Variants in PDZD2 observed in about 807,000 individuals in gnomAD.
The protein encoded by PDZD2 is PDZ domain-containing protein 2.
A neutral mutation model predicts 220.7 loss-of-function variants in PDZD2; 90 were observed. The observed-to-expected ratio is 0.41, with a 90% CI of 0.34 to 0.49. PDZD2 has a LOEUF of 0.49. PDZD2 is among the 20% of genes least tolerant of loss of function. The pLI is 0.28. For missense variants in PDZD2, 3,174 were observed against 3,608.5 expected (o/e 0.88, Z 3.08); for synonymous variants, 1,375 against 1,450.5 (o/e 0.95, Z 1.18).
At chr5:31,907,263 G>A (rs1742740310) in intron 2 of PDZD2, among the ~76,000 whole-genome samples, 2 of 152,190 alleles carry the variant, frequency 1.3e-5, no homozygotes, top group Non-Finnish European at 2.9e-5. Flanking sequence ...TTCTGGTGAG[G>A]GCTCTCTTCC....
At chr5:31,802,795 C>T (rs1754471119) in intron 2 of PDZD2, among the ~76,000 whole-genome samples, 1 of 151,782 alleles carries the variant, frequency 6.6e-6, no homozygotes, top group African/African-American at 2.4e-5. Flanking sequence ...TGGCGGGTGC[C>T]TGTAGTCCCA....
chr5:32,032,628 A>C (rs1755214774), intron 6 of PDZD2, among the ~76,000 whole-genome samples: 1 of 152,010 alleles, frequency 6.6e-6, no homozygotes, highest in Admixed American at 6.5e-5. Context: ...TGTTTTCTTT[A>C]TCCTTGTAAA....
At chr5:31,871,060 G>A (rs760416066) in intron 2 of PDZD2, among the ~76,000 whole-genome samples, 1 of 152,134 alleles carries the variant, frequency 6.6e-6, no homozygotes, top group Admixed American at 6.6e-5. Flanking sequence ...GTGTGAGAGC[G>A]AGAGTTGGGA....
At chr5:31,716,428 G>T (rs1205033955) in intron 1 of PDZD2, among the ~76,000 whole-genome samples, 3 of 152,188 alleles carry the variant, frequency 2.0e-5, no homozygotes, top group Admixed American at 2.0e-4. Flanking sequence ...AGGAAATTGA[G>T]GGGAAAGTGT....
At chr5:31,875,735 TTAAAAATC>T (rs1739247784) in intron 2 of PDZD2, among the ~76,000 whole-genome samples, 1 of 150,690 alleles carries the variant, frequency 6.6e-6, no homozygotes, top group Non-Finnish European at 1.5e-5. Context: ...CCCAAATCAA[TTAAAAATC>T]CAGTGCAGTG....
intron 3 of PDZD2, among the ~76,000 whole-genome samples, chr5:31,984,730 G>T (rs952826947): frequency 1.3e-5 from 2 of 152,094 alleles, no homozygotes; most frequent in Non-Finnish European, 2.9e-5. Flanking sequence ...CTGGGGGCCT[G>T]AGTGAGAGGA....
At chr5:31,696,566 G>C (rs892709412) in intron 1 of PDZD2, among the ~76,000 whole-genome samples, 1 of 152,306 alleles carries the variant, frequency 6.6e-6, no homozygotes, top group East Asian at 1.9e-4. Flanking sequence ...GCCTCCCAAA[G>C]TGTTGGGATT....
intron 9 of PDZD2, among the ~76,000 whole-genome samples, chr5:32,053,148 A>G (rs116351193): frequency 0.021 from 3,266 of 152,324 alleles, 125 homozygotes; most frequent in African/African-American, 0.074. Flanking sequence ...CCTACGATGT[A>G]AGGAGTCACC....
chr5:31,989,025 G>A (rs1370738443), intron 3 of PDZD2, among the ~76,000 whole-genome samples: 1 of 152,154 alleles, frequency 6.6e-6, no homozygotes, highest in African/African-American at 2.4e-5. Flanking sequence ...GTCCCCAGTA[G>A]ACTTTAAGAG....
intron 1 of PDZD2, among the ~76,000 whole-genome samples, chr5:31,712,350 G>C (rs1211231468): frequency 6.6e-6 from 1 of 152,178 alleles, no homozygotes; most frequent in East Asian, 1.9e-4. Flanking sequence ...TGTCTGGGCT[G>C]GTCGAGAAGC....
chr5:31,892,926 C>A (rs1417417562), intron 2 of PDZD2, among the ~76,000 whole-genome samples: 1 of 152,108 alleles, frequency 6.6e-6, no homozygotes, highest in Admixed American at 6.6e-5. Context: ...TGTGTAGACA[C>A]ACGCAGTGCT....
rs375111289 is a variant in PDZD2, at chr5:31,761,490, GA to G, written c.-360-37391del. Among the ~76,000 whole-genome samples the G allele has an allele frequency of 7.7e-3, 1,170 of 151,450 alleles. 8 individuals are homozygous for G. The highest frequency in any genetic ancestry group is 0.011 in the Non-Finnish European group (728 of 67,838). ...TAGGAGAATGTTGGTATTCTCGGGG[GA>G]AAAAAAATGAGACTGTATTATAGTC... On this transcript the variant is annotated intron_variant, in intron 1 of 24. Coordinates refer to ENST00000438447, the MANE Select transcript of PDZD2 (RefSeq NM_178140.4).
At chr5:31,902,724 G>A (rs1581035274) in intron 2 of PDZD2, among the ~76,000 whole-genome samples, 2 of 151,354 alleles carry the variant, frequency 1.3e-5, no homozygotes, top group South Asian at 2.1e-4. Context: ...AAAATTAGCC[G>A]GGTGCAGTGG....
chr5:32,038,942 A>T (rs1755779678), intron 7 of PDZD2, among the ~76,000 whole-genome samples: 1 of 152,226 alleles, frequency 6.6e-6, no homozygotes. Context: ...ATTTAGCACA[A>T]TGTGTAGTAC....
intron 1 of PDZD2, among the ~76,000 whole-genome samples, chr5:31,653,021 G>C (rs183129402): frequency 1.2e-4 from 18 of 151,948 alleles, no homozygotes; most frequent in Admixed American, 8.5e-4. Context: ...CAAAAAAAAA[G>C]ACCAAAAAAC....
intron 9 of PDZD2, among the ~76,000 whole-genome samples, 183 bp downstream of exon 9, chr5:32,052,913 C>T (rs537525075): frequency 1.3e-5 from 2 of 152,308 alleles, no homozygotes; most frequent in Admixed American, 6.5e-5. Context: ...TGGGCTCAAG[C>T]AGTGCTCCCA....
At chr5:31,963,662 G>C (rs148620948) in intron 2 of PDZD2, among the ~76,000 whole-genome samples, 7 of 152,326 alleles carry the variant, frequency 4.6e-5, no homozygotes, top group Admixed American at 1.3e-4. Context: ...TTCAGGTCAG[G>C]CCAGAAGGCG....
intron 2 of PDZD2, among the ~76,000 whole-genome samples, chr5:31,938,028 C>CTT (rs1745911701): frequency 1.3e-5 from 2 of 152,202 alleles, no homozygotes; most frequent in Non-Finnish European, 2.9e-5. Flanking sequence ...CCCACAAAGC[C>CTT]TATCCGATCT....
At chr5:32,100,886 T>C (rs1744191597) in intron 23 of PDZD2, 1 of 1,581,656 alleles carries the variant, frequency 6.3e-7, no homozygotes, top group East Asian at 2.3e-5. Flanking sequence ...AGGATGCAAG[T>C]ACAGCAGCAA....
Sources: gnomAD v4.1 joint callset for allele counts (sites outside exome capture counted in the v4.1 genomes callset) on GRCh38, gnomAD v4.1.1 for gene constraint, MANE v1.5 for transcripts, NCBI Gene and HGNC (gene_info 2026-07-23, HGNC 2026-07-21) for gene names.